Variants in PPP1R1C observed in about 807,000 individuals in gnomAD.
PPP1R1C encodes protein phosphatase 1 regulatory inhibitor subunit 1C, also known as protein phosphatase 1 regulatory subunit 1C.
PPP1R1C carries 15 observed loss-of-function variants against 17.4 expected under a neutral mutation model. The observed-to-expected ratio is 0.86, with a 90% CI of 0.58 to 1.33. The LOEUF (loss-of-function observed/expected upper bound fraction) is 1.33, where lower values mean the gene tolerates loss of function less well. Ranked by LOEUF, PPP1R1C falls within the 40% of genes most tolerant of loss-of-function variation. The pLI is 0.00. For missense variants in PPP1R1C, 143 were observed against 130.0 expected, an observed-to-expected ratio of 1.10 and a Z score of -0.48; for synonymous variants, 35 against 43.1, an observed-to-expected ratio of 0.81 and a Z score of 0.73.
At chr2:182,043,685 C>T (rs574243910) in intron 2 of PPP1R1C, among the ~76,000 whole-genome samples, 1 of 150,844 alleles carries the variant, frequency 6.6e-6, no homozygotes, top group East Asian at 1.9e-4. Flanking sequence ...GGTTTCCCCT[C>T]GAATCCTTGG....
chr2:182,129,576 A>G (rs1314161304), exon 6 of PPP1R1C: 1 of 152,160 alleles, frequency 6.6e-6, no homozygotes, highest in Non-Finnish European at 1.5e-5. Context: ...ATTTATAATT[A>G]ATTAAGTGGC....
intron 4 of PPP1R1C, among the ~76,000 whole-genome samples, chr2:182,066,353 A>G (rs1250511443): frequency 1.3e-5 from 2 of 151,992 alleles, no homozygotes; most frequent in Non-Finnish European, 2.9e-5. Context: ...TATTCATTCT[A>G]TTTTCAGCTA....
At chr2:182,067,750 G>A (rs368665853) in intron 4 of PPP1R1C, among the ~76,000 whole-genome samples, 53 of 152,200 alleles carry the variant, frequency 3.5e-4, no homozygotes, top group African/African-American at 9.9e-4. Context: ...GACCCAAGAC[G>A]CACAGTTAAG....
chr2:182,046,095 TCC>T (rs1213165732), intron 2 of PPP1R1C, among the ~76,000 whole-genome samples: 3 of 12,664 alleles, frequency 2.4e-4, no homozygotes, highest in African/African-American at 4.2e-4. Context: ...CTCCTACATT[TCC>T]TTCCTTCCTT....
intron 2 of PPP1R1C, among the ~76,000 whole-genome samples, chr2:182,040,529 G>A (rs184842988): frequency 1.8e-4 from 28 of 152,080 alleles, no homozygotes; most frequent in African/African-American, 5.3e-4. Flanking sequence ...AGATTTGTTT[G>A]AGTTGCTTGT....
intron 2 of PPP1R1C, among the ~76,000 whole-genome samples, chr2:182,006,328 A>T (rs1182858117): frequency 6.6e-6 from 1 of 152,218 alleles, no homozygotes; most frequent in East Asian, 1.9e-4. Flanking sequence ...AAGACTCTTA[A>T]AAATATTGCC....
chr2:182,103,590 A>C (rs1257255748), intron 4 of PPP1R1C: 1 of 152,244 alleles, frequency 6.6e-6, no homozygotes, highest in Non-Finnish European at 1.5e-5. Flanking sequence ...CTATTATTTA[A>C]AAGGATGGTC....
At chr2:182,041,376 AG>A (rs1339308740) in intron 2 of PPP1R1C, among the ~76,000 whole-genome samples, 1 of 152,174 alleles carries the variant, frequency 6.6e-6, no homozygotes, top group African/African-American at 2.4e-5. Context: ...TGGGAGGCCA[AG>A]GTGGGTGGAT....
intron 2 of PPP1R1C, among the ~76,000 whole-genome samples, chr2:182,057,831 A>G (rs368425136): frequency 6.6e-6 from 1 of 152,108 alleles, no homozygotes; most frequent in African/African-American, 2.4e-5. Flanking sequence ...TGCTCTTCAA[A>G]ATACACGCAG....
At chr2:181,975,541 G>T (rs1295293745) in intron 2 of PPP1R1C, among the ~76,000 whole-genome samples, 1 of 151,738 alleles carries the variant, frequency 6.6e-6, no homozygotes, top group African/African-American at 2.4e-5. Context: ...TGTTGCACTT[G>T]TTATCCATAG....
intron 4 of PPP1R1C, among the ~76,000 whole-genome samples, chr2:182,079,727 T>C (rs1426101834): frequency 6.6e-6 from 1 of 152,200 alleles, no homozygotes; most frequent in Non-Finnish European, 1.5e-5. Flanking sequence ...AAAACCAAGG[T>C]ATCAGTAGGG....
chr2:181,976,638 A>G lies in PPP1R1C; in HGVS notation n.157+1374A>G, dbSNP rs951560033. ...TCTATATCTATATCTGTATCTATCT[A>G]TTCCTCACTCCTCTCTGTCTCTTGA... On this transcript the variant is annotated intron_variant and non_coding_transcript_variant, in intron 2 of 5. Transcript: ENST00000464264. This position sits in a 1 kb window ranked among gnomAD's most constrained non-coding sequence, Gnocchi z 4.8. Among the ~76,000 whole-genome samples the G allele has an allele frequency of 6.6e-6, 1 of 152,036 alleles. No homozygotes were observed. The highest frequency in any genetic ancestry group is 2.4e-5 in the African/African-American group (1 of 41,378).
intron 2 of PPP1R1C, among the ~76,000 whole-genome samples, chr2:181,977,815 C>T (rs562706972): frequency 3.9e-5 from 6 of 152,250 alleles, no homozygotes; most frequent in Non-Finnish European, 7.4e-5. Context: ...AGCTGACTCA[C>T]GTGGCTGGGG....
At chr2:181,970,867 G>A (rs1291944790) in intron 1 of PPP1R1C, among the ~76,000 whole-genome samples, 6 of 152,096 alleles carry the variant, frequency 3.9e-5, no homozygotes, top group African/African-American at 1.2e-4. Context: ...CCCAGTTCAC[G>A]GAGAGTACTG....
chr2:181,962,338 G>T lies in PPP1R1C; in HGVS notation n.111+7704G>T. The T allele has an allele frequency of 1.1e-6, 1 of 944,026 alleles. No homozygotes were observed. Among genetic ancestry groups the T allele is most frequent in the Non-Finnish European group, 1.7e-6 (1 of 602,528 alleles). The allele number at this position is 944,026 out of a possible 1,614,324, so 58.5% of individuals were successfully genotyped here. On this transcript the variant is annotated intron_variant and non_coding_transcript_variant, in intron 1 of 5. Coordinates refer to the PPP1R1C transcript ENST00000464264. This position sits in a 1 kb window ranked among gnomAD's most constrained non-coding sequence, Gnocchi z 6.0. ...CCCGGAAGCTGGTGGAGCGGGACAC[G>T]GATATCCGGGAACCAGAGCCCCCGG...
chr2:182,028,930 C>A (rs1365883780), intron 2 of PPP1R1C, among the ~76,000 whole-genome samples: 9 of 124,434 alleles, frequency 7.2e-5, no homozygotes, highest in African/African-American at 2.6e-4. Context: ...GGATAGTTAG[C>A]TCTTCTTGTT....
chr2:182,117,459 T>C lies in PPP1R1C; in HGVS notation c.*164T>C. 1 of 552,916 alleles carries C rather than the reference T, an allele frequency of 1.8e-6. No homozygotes were observed. The highest frequency in any genetic ancestry group is 3.2e-6 in the Non-Finnish European group (1 of 309,220). The allele number at this position is 552,916 out of a possible 1,614,324, so 34.3% of individuals were successfully genotyped here. A position where few individuals can be genotyped will look rare whatever the true frequency, so the allele number is the denominator to read the frequency against. On this transcript the variant is annotated 3_prime_UTR_variant, in exon 5 of 5. Coordinates refer to ENST00000682840, the MANE Select transcript of PPP1R1C (RefSeq NM_001080545.3). The stretch of plus-strand genomic sequence containing the variant: ...TCCTGGAAGTCTCCTTGACTGAACT[T>C]TAGAACTAAGTACACATTGTTCCAC...
upstream of PPP1R1C, among the ~76,000 whole-genome samples, chr2:181,982,251 C>G (rs1244390502): frequency 1.3e-5 from 2 of 151,942 alleles, no homozygotes; most frequent in Non-Finnish European, 2.9e-5. Flanking sequence ...ACTCTAAAAA[C>G]AGTCATAAGA....
chr2:182,119,602 C>A (rs1401407405), downstream of PPP1R1C, among the ~76,000 whole-genome samples: 29 of 152,184 alleles, frequency 1.9e-4, no homozygotes, highest in Non-Finnish European at 1.0e-4. Flanking sequence ...ACCATTCCAA[C>A]TGGTGTGAGA....
Sources: allele counts gnomAD v4.1 joint callset (sites outside exome capture counted in the v4.1 genomes callset), GRCh38; gene constraint gnomAD v4.1.1; non-coding constraint Gnocchi (gnomAD v3.1); transcripts MANE v1.5; gene names NCBI Gene and HGNC (gene_info 2026-07-23, HGNC 2026-07-21).